The following USP25 variants were observed in gnomAD, a reference collection of about 807,000 sequenced individuals.
The protein encoded by USP25 is ubiquitin carboxyl-terminal hydrolase 25.
In USP25, 85 loss-of-function variants were observed where a neutral mutation model predicts 158.5. The observed-to-expected ratio is 0.54, with a 90% CI of 0.45 to 0.64. The LOEUF (loss-of-function observed/expected upper bound fraction) is 0.64, where lower values mean the gene tolerates loss of function less well. Ranked by LOEUF, USP25 falls within the 30% of genes least tolerant of loss-of-function variation. The pLI is 0.00. For synonymous variants in USP25, 464 were observed against 460.4 expected (o/e 1.01, Z -0.10); for missense variants, 1,242 against 1,327.3 (o/e 0.94, Z 1.00).
chr21:15,739,116 G>A (rs1332647914), intron 1 of USP25, among the ~76,000 whole-genome samples: 1 of 152,026 alleles, frequency 6.6e-6, no homozygotes, highest in African/African-American at 2.4e-5. Flanking sequence ...TTTTGTCTGC[G>A]GCTCGTCCTG....
At chr21:15,794,219 T>C (rs1481021670) in intron 5 of USP25, among the ~76,000 whole-genome samples, 1 of 151,700 alleles carries the variant, frequency 6.6e-6, no homozygotes, top group East Asian at 1.9e-4. Flanking sequence ...CTACAACAGT[T>C]ATAGATAGCT....
chr21:15,830,732 A>G lies in USP25; in HGVS notation c.1764+131A>G, dbSNP rs978499930. On this transcript the variant is annotated intron_variant, in intron 15 of 25. Transcript: ENST00000400183. ...AAATTTTGGCAAATCTTATTGTAAAATAATAAGGGCTTGCAATATGTACAA... is the reference window on the plus strand; with the variant it reads ...AAATTTTGGCAAATCTTATTGTAAAGTAATAAGGGCTTGCAATATGTACAA... 72 of 651,932 alleles carry G rather than the reference A, an allele frequency of 1.1e-4. 1 individual carries two copies. The highest frequency in any genetic ancestry group is 1.6e-4 in the Non-Finnish European group (64 of 396,628). The allele number at this position is 651,932 out of a possible 1,614,324, so 40.4% of individuals were successfully genotyped here. A position where few individuals can be genotyped will look rare whatever the true frequency, so the allele number is the denominator to read the frequency against.
At chr21:15,779,483 A>G (rs1201212407) in intron 4 of USP25, among the ~76,000 whole-genome samples, 2 of 151,860 alleles carry the variant, frequency 1.3e-5, no homozygotes, top group Non-Finnish European at 2.9e-5. Context: ...ATATGAATTT[A>G]TATGAGTATA....
At chr21:15,828,028 A>G (rs2037612473) in intron 14 of USP25, among the ~76,000 whole-genome samples, 1 of 151,880 alleles carries the variant, frequency 6.6e-6, no homozygotes, top group African/African-American at 2.4e-5. Flanking sequence ...ATGCTGATTT[A>G]TTGATTTTTG....
intron 2 of USP25, among the ~76,000 whole-genome samples, chr21:15,764,507 C>T (rs965345253): frequency 1.3e-5 from 2 of 151,966 alleles, no homozygotes; most frequent in African/African-American, 4.8e-5. Flanking sequence ...GACGAGAAGT[C>T]TACTTTTGAG....
chr21:15,783,955 G>A (rs564344170), intron 4 of USP25, among the ~76,000 whole-genome samples: 145 of 152,168 alleles, frequency 9.5e-4, no homozygotes, highest in African/African-American at 3.4e-3. Context: ...GGGCGACAGA[G>A]CGAGACTCCG....
chr21:15,753,939 A>T (rs1180864643), intron 1 of USP25, among the ~76,000 whole-genome samples: 1 of 151,926 alleles, frequency 6.6e-6, no homozygotes, highest in East Asian at 1.9e-4. Flanking sequence ...AACACAAGTT[A>T]TGAGAGGGTG....
At chr21:15,772,012 TC>T (rs143053984) in intron 3 of USP25, among the ~76,000 whole-genome samples, 4,152 of 152,272 alleles carry the variant, frequency 0.027, 194 homozygotes, top group African/African-American at 0.092. Context: ...ATATAATAGT[TC>T]AGCTAGATTA....
intron 3 of USP25, among the ~76,000 whole-genome samples, chr21:15,771,682 C>T (rs9980497): frequency 0.11 from 16,771 of 148,674 alleles, 955 homozygotes; most frequent in African/African-American, 0.16. Flanking sequence ...TTTTTTTTTT[C>T]TTTTTTTTTC....
rs35849786 is a variant in USP25, at chr21:15,808,546, TTG to T, written c.781-237_781-236del. 9.7e-3 allele frequency among the ~76,000 whole-genome samples: 1,434 copies of T among 147,900 alleles called. 9 individuals are homozygous for T. Among genetic ancestry groups the T allele is most frequent in the East Asian group, 0.013 (64 of 5,068 alleles). On this transcript the variant is annotated intron_variant, in intron 7 of 25. Transcript: ENST00000400183. ...TCTCATTTGTAAGTTTGGTTTTTGA[TTG>T]TGTGTGTGTGTGTGTGTGTGTGTGT...
intron 5 of USP25, among the ~76,000 whole-genome samples, chr21:15,796,438 G>A (rs1006171942): frequency 2.0e-5 from 3 of 151,390 alleles, no homozygotes; most frequent in African/African-American, 7.3e-5. Flanking sequence ...GATAGTCATA[G>A]AGTGAGCTTG....
chr21:15,745,728 G>C (rs1986788), intron 1 of USP25, among the ~76,000 whole-genome samples: 2 of 151,764 alleles, frequency 1.3e-5, no homozygotes, highest in South Asian at 2.1e-4. Context: ...CGCCCGCCTC[G>C]GTCTCCCAAA....
chr21:15,750,318 G>A (rs1418553844), intron 1 of USP25, among the ~76,000 whole-genome samples: 5 of 144,996 alleles, frequency 3.4e-5, no homozygotes, highest in African/African-American at 1.0e-4. Context: ...TGCAACCTCC[G>A]TCTCCCTGGT....
intron 8 of USP25, among the ~76,000 whole-genome samples, chr21:15,809,393 A>G (rs1336513837): frequency 1.3e-5 from 2 of 152,020 alleles, no homozygotes; most frequent in African/African-American, 2.4e-5. Flanking sequence ...GGGCAGAGCT[A>G]TGTGGCCTAA....
chr21:15,741,302 T>TC (rs2032035534), intron 1 of USP25, among the ~76,000 whole-genome samples: 1 of 150,674 alleles, frequency 6.6e-6, no homozygotes, highest in East Asian at 1.9e-4. Flanking sequence ...TTTTTTTTTT[T>TC]CCAGTTTTTT....
intron 2 of USP25, among the ~76,000 whole-genome samples, chr21:15,765,621 G>A (rs946944151): frequency 6.6e-6 from 1 of 151,980 alleles, no homozygotes; most frequent in Admixed American, 6.6e-5. Flanking sequence ...GTCCTTGTTT[G>A]TAGAAGTACT....
chr21:15,837,689 G>A (rs1173576061), intron 17 of USP25, among the ~76,000 whole-genome samples: 1 of 152,152 alleles, frequency 6.6e-6, no homozygotes, highest in Non-Finnish European at 1.5e-5. Context: ...TTACAATATA[G>A]CACACCCAGA....
At chr21:15,866,409 T>A in intron 22 of USP25, 65 bp downstream of exon 22, 1 of 1,267,724 alleles carries the variant, frequency 7.9e-7, no homozygotes, top group Non-Finnish European at 1.1e-6. Context: ...GATATTCCTT[T>A]CGTTTCAGCC....
Position 15,864,256 on chromosome 21 carries a change from T to C in USP25, c.2548-12T>C, listed in dbSNP as rs1179644037. The C allele has an allele frequency of 2.5e-6, 4 of 1,590,142 alleles. No homozygotes were observed. Among genetic ancestry groups the C allele is most frequent in the South Asian group, 1.2e-5 (1 of 85,130 alleles). On this transcript the variant is annotated splice_polypyrimidine_tract_variant and intron_variant, in intron 20 of 25. Coordinates refer to ENST00000400183, the MANE Select transcript of USP25 (RefSeq NM_001283041.3). The stretch of plus-strand genomic sequence containing the variant: ...AATTAACCAAAATTATCATTTTCAT[T>C]GCATTTTCCAGGCAATTAAGTTGGA...
Sources: gnomAD v4.1 joint callset for allele counts (sites outside exome capture counted in the v4.1 genomes callset) on GRCh38, gnomAD v4.1.1 for gene constraint, MANE v1.5 for transcripts, NCBI Gene and HGNC (gene_info 2026-07-23, HGNC 2026-07-21) for gene names.